The following NOX4 variants were observed in gnomAD, a reference collection of about 807,000 sequenced individuals.
NOX4 encodes kidney oxidase-1.
In NOX4, 69 loss-of-function variants were observed where a neutral mutation model predicts 87.6. The observed-to-expected ratio is 0.79, with a 90% CI of 0.65 to 0.96. The LOEUF (loss-of-function observed/expected upper bound fraction) is 0.96. Among genes scored for constraint, NOX4 ranks in the 40% least tolerant of loss-of-function variants. The pLI is 0.00. For synonymous variants in NOX4, 275 were observed against 238.2 expected, an observed-to-expected ratio of 1.15 and a Z score of -1.42; for missense variants, 680 against 681.5, an observed-to-expected ratio of 1.00 and a Z score of 0.02.
chr11:89,447,463 G>A (rs1233281868), intron 4 of NOX4, among the ~76,000 whole-genome samples: 1 of 152,144 alleles, frequency 6.6e-6, no homozygotes, highest in Admixed American at 6.6e-5. Flanking sequence ...ATTTTAGGCA[G>A]CAAGGAAGCA....
chr11:89,432,923 A>T, intron 6 of NOX4, 67 bp from the exon 7 acceptor site: 1 of 1,065,986 alleles, frequency 9.4e-7, no homozygotes, highest in Non-Finnish European at 1.4e-6. Context: ...AAAAATGATT[A>T]TATTAGAATC....
chr11:89,373,221 T>C (rs1939577254), intron 12 of NOX4, among the ~76,000 whole-genome samples: 1 of 146,466 alleles, frequency 6.8e-6, no homozygotes, highest in Non-Finnish European at 1.5e-5. Context: ...TCAAAGGTAT[T>C]CTGATTGCAA....
upstream of NOX4, among the ~76,000 whole-genome samples, chr11:89,496,181 G>C (rs945101974): frequency 2.0e-5 from 3 of 152,132 alleles, no homozygotes; most frequent in Admixed American, 6.5e-5. Context: ...AACAAGTGTA[G>C]ACCATCATCT....
In NOX4 at chr11:89,342,132, G is replaced by A. The variant is rs747488396; in HGVS notation, c.1279C>T (p.Leu427Phe). 2 of 1,612,898 alleles carry A rather than the reference G, an allele frequency of 1.2e-6. No individual in the cohort carries two copies. The highest frequency in any genetic ancestry group is 2.2e-5 in the South Asian group (2 of 91,048). Residue 427 changes from leucine (L) to phenylalanine (F), a missense_variant, in exon 14 of 18, where the codon CTC becomes TTC. Leu to Phe is a conservative substitution (Grantham distance 22, BLOSUM62 0). Coordinates refer to ENST00000263317, the MANE Select transcript of NOX4 (RefSeq NM_016931.5). ...ACTCCAATGCCTCCAGCCACGCAGA[G>A]GCTGACCTCATAGTTCAGTGATTCC... Reference protein sequence around the residue: ...FEESLNYEVSLCVAGGIGVTP... With the variant: ...FEESLNYEVSFCVAGGIGVTP...
In NOX4 at chr11:89,369,465, C is replaced by T. The variant is rs180778571; in HGVS notation, c.1135+3967G>A. ...GTCACTTTTGCTCAATGCTGTATCT[C>T]CAGTGACTAATAAACAGTCTGGAAC... On this transcript the variant is annotated intron_variant, in intron 12 of 17. Transcript: ENST00000263317. Among the ~76,000 whole-genome samples, 102 of 152,144 alleles carry T rather than the reference C, an allele frequency of 6.7e-4. 1 individual carries two copies. Among genetic ancestry groups the T allele is most frequent in the African/African-American group, 2.3e-3 (94 of 41,530 alleles).
At chr11:89,338,770 C>G (rs1282126468) in intron 15 of NOX4, among the ~76,000 whole-genome samples, 1 of 152,076 alleles carries the variant, frequency 6.6e-6, no homozygotes, top group East Asian at 1.9e-4. Context: ...TGTGTCTAGT[C>G]TGCTCATTCA....
chr11:89,444,016 T>C, intron 5 of NOX4, 119 bp downstream of exon 5: 4 of 747,268 alleles, frequency 5.4e-6, no homozygotes. Flanking sequence ...ACTTGACAAC[T>C]GCATTTTAAA....
Position 89,390,511 on chromosome 11 carries a change from A to C in NOX4, c.1074+9506T>G, listed in dbSNP as rs4432025. Among the ~76,000 whole-genome samples the C allele has an allele frequency of 2.7e-3, 404 of 152,336 alleles. 1 individual carries two copies. Among genetic ancestry groups the C allele is most frequent in the African/African-American group, 9.3e-3 (385 of 41,590 alleles). ...CAGTTAGTATTTATAATTGAGATTT[A>C]ATAAAGCATAAGTAAAACATACAGA... On this transcript the variant is annotated intron_variant, in intron 11 of 17. Transcript: ENST00000263317.
intron 12 of NOX4, among the ~76,000 whole-genome samples, chr11:89,361,337 A>G (rs1295317273): frequency 6.6e-6 from 1 of 152,162 alleles, no homozygotes; most frequent in African/African-American, 2.4e-5. Context: ...TTGTAAGTGA[A>G]GTAACTCAGG....
At chr11:89,409,428 C>T (rs527279936) in intron 8 of NOX4, among the ~76,000 whole-genome samples, 4 of 152,228 alleles carry the variant, frequency 2.6e-5, no homozygotes, top group African/African-American at 7.2e-5. Flanking sequence ...ATATATACAA[C>T]TTACAGCATA....
At chr11:89,497,710 A>G (rs1946973916) in intron 1 of NOX4, among the ~76,000 whole-genome samples, 1 of 152,180 alleles carries the variant, frequency 6.6e-6, no homozygotes. Context: ...AAATTCCCAA[A>G]GGCAAATCCC....
the NOX4 span, among the ~76,000 whole-genome samples, chr11:89,520,799 G>A: frequency 6.6e-6 from 1 of 152,138 alleles, no homozygotes; most frequent in African/African-American, 2.4e-5. Flanking sequence ...AAACTCTAAA[G>A]GCTATGCCAA....
At chr11:89,339,924 G>A (rs541846604) in intron 15 of NOX4, 139 bp downstream of exon 15, 1 of 477,632 alleles carries the variant, frequency 2.1e-6, no homozygotes, top group East Asian at 3.5e-5. Flanking sequence ...ATGTTTAAGA[G>A]ACTTATTTCT....
At chr11:89,394,641 A>G (rs1941351544) in intron 11 of NOX4, among the ~76,000 whole-genome samples, 2 of 151,990 alleles carry the variant, frequency 1.3e-5, no homozygotes, top group African/African-American at 4.8e-5. Flanking sequence ...TCCTAACGCT[A>G]TCCCTCCCCT....
chr11:89,479,629 T>C (rs1946308964), intron 2 of NOX4, among the ~76,000 whole-genome samples: 1 of 152,176 alleles, frequency 6.6e-6, no homozygotes, highest in Admixed American at 6.6e-5. Flanking sequence ...CCCATATCCA[T>C]GAAAACCTTT....
At chr11:89,448,705 A>G (rs992812766) in intron 4 of NOX4, among the ~76,000 whole-genome samples, 3 of 151,808 alleles carry the variant, frequency 2.0e-5, no homozygotes, top group African/African-American at 7.3e-5. Context: ...AACATGGTGA[A>G]AGCCCGTCTC....
intron 12 of NOX4, among the ~76,000 whole-genome samples, chr11:89,362,903 C>A (rs559771681): frequency 1.1e-3 from 172 of 152,144 alleles, no homozygotes; most frequent in Middle Eastern, 3.4e-3. Context: ...TATGTAGACA[C>A]AAAATGTGAA....
intron 2 of NOX4, among the ~76,000 whole-genome samples, chr11:89,456,801 AG>A (rs1432194473): frequency 6.6e-6 from 1 of 152,176 alleles, no homozygotes; most frequent in Non-Finnish European, 1.5e-5. Flanking sequence ...GGACAGGAAC[AG>A]CTGCAGTGGA....
At chr11:89,391,605 A>G (rs1308970636) in intron 11 of NOX4, among the ~76,000 whole-genome samples, 2 of 151,904 alleles carry the variant, frequency 1.3e-5, no homozygotes, top group Non-Finnish European at 2.9e-5. Flanking sequence ...AATTTTTTAA[A>G]AAGTTTAGCC....
Sources: allele counts gnomAD v4.1 joint callset (sites outside exome capture counted in the v4.1 genomes callset), GRCh38; gene constraint gnomAD v4.1.1; transcripts MANE v1.5; gene names NCBI Gene and HGNC (gene_info 2026-07-23, HGNC 2026-07-21).